The following EXOC2 variants were observed in gnomAD, a reference collection of about 807,000 sequenced individuals.
The protein encoded by EXOC2 is exocyst complex component 2.
EXOC2 carries 70 observed loss-of-function variants against 131.8 expected under a neutral mutation model. The observed-to-expected ratio is 0.53, with a 90% CI of 0.44 to 0.65. EXOC2 has a LOEUF of 0.65. Ranked by LOEUF, EXOC2 falls within the 30% of genes least tolerant of loss-of-function variation. The pLI is 0.00. For missense variants in EXOC2, 923 were observed against 1,108.6 expected, an observed-to-expected ratio of 0.83 and a Z score of 2.38; for synonymous variants, 411 against 398.4, an observed-to-expected ratio of 1.03 and a Z score of -0.38.
chr6:495,680 T>C (rs1446286081), intron 25 of EXOC2, among the ~76,000 whole-genome samples: 4 of 152,188 alleles, frequency 2.6e-5, no homozygotes, highest in African/African-American at 9.7e-5. Context: ...TTCCATCACA[T>C]TCTTGCCGAC....
At chr6:505,052 T>C (rs1367884261) in intron 23 of EXOC2, among the ~76,000 whole-genome samples, 2 of 152,204 alleles carry the variant, frequency 1.3e-5, no homozygotes, top group East Asian at 1.9e-4. Context: ...GTCTAGCTGC[T>C]GCAGATCCTG....
At chr6:550,249 T>G (rs889527876) in intron 21 of EXOC2, among the ~76,000 whole-genome samples, 2 of 152,250 alleles carry the variant, frequency 1.3e-5, no homozygotes, top group Non-Finnish European at 1.5e-5. Context: ...CCAGAATAAC[T>G]TACAGGAAAG....
chr6:522,287 T>C (rs1432087552), intron 23 of EXOC2, among the ~76,000 whole-genome samples: 2 of 147,966 alleles, frequency 1.4e-5, no homozygotes, highest in African/African-American at 2.5e-5. Flanking sequence ...CAGGACAGCG[T>C]GTGGGGGAGC....
intron 6 of EXOC2, among the ~76,000 whole-genome samples, chr6:612,330 T>C (rs897234585): frequency 6.6e-6 from 1 of 152,242 alleles, no homozygotes; most frequent in Non-Finnish European, 1.5e-5. Flanking sequence ...TTGGCTCACA[T>C]GCTGACCTCT....
chr6:555,436 T>C (rs568947179), intron 19 of EXOC2, 148 bp from the exon 20 acceptor site: 4 of 468,430 alleles, frequency 8.5e-6, no homozygotes, highest in Admixed American at 3.6e-5. Context: ...TATGTGTATA[T>C]ACTGTATATG....
chr6:666,434 C>T lies in EXOC2; in HGVS notation c.-44+26585G>A, dbSNP rs1763649095. 6.3e-5 allele frequency among the ~76,000 whole-genome samples: 2 copies of T among 31,606 alleles called. 1 individual carries two copies. The highest frequency in any genetic ancestry group is 1.3e-4 in the African/African-American group (2 of 14,966). The allele number at this position is 31,606 out of a possible 152,430, so 20.7% of individuals were successfully genotyped here. ...GAATTTCAAAAACTGGTCAGCATCCCTTCCAGAAAATTTCCAGAAAATTTA... is the reference window on the plus strand; with the variant it reads ...GAATTTCAAAAACTGGTCAGCATCCTTTCCAGAAAATTTCCAGAAAATTTA... On this transcript the variant is annotated intron_variant, in intron 1 of 27. Transcript: ENST00000230449.
chr6:486,785 T>C (rs1763084060), intron 27 of EXOC2, 21 bp from the exon 28 acceptor site: 1 of 1,601,690 alleles, frequency 6.2e-7, no homozygotes, highest in African/African-American at 1.3e-5. Context: ...GAGACACTTG[T>C]TTTACAGCCC....
In EXOC2 at chr6:494,591, C is replaced by T. The variant is rs73380941; in HGVS notation, c.2559+2776G>A. On this transcript the variant is annotated intron_variant, in intron 25 of 27. Coordinates refer to ENST00000230449, the MANE Select transcript of EXOC2 (RefSeq NM_018303.6). The stretch of plus-strand genomic sequence containing the variant: ...GCACCCTGTGACGATCCCTAAGGCC[C>T]CACCCTAGGAACCCCCACCACCCAC... 8.7e-3 allele frequency among the ~76,000 whole-genome samples: 1,327 copies of T among 152,218 alleles called. 24 individuals carry two copies. Among genetic ancestry groups the T allele is most frequent in the African/African-American group, 0.03 (1,245 of 41,534 alleles).
intron 1 of EXOC2, among the ~76,000 whole-genome samples, chr6:676,791 C>T (rs867195242): frequency 6.2e-4 from 43 of 68,902 alleles, no homozygotes; most frequent in Admixed American, 1.1e-3. Context: ...GGAGACTCTG[C>T]GGTTCCCCAT....
chr6:532,945 TAC>T (rs1234413243), intron 22 of EXOC2, among the ~76,000 whole-genome samples: 2 of 152,156 alleles, frequency 1.3e-5, no homozygotes, highest in African/African-American at 4.8e-5. Context: ...TCAGGAAACT[TAC>T]AGTCTTGGTG....
chr6:547,158 A>C lies in EXOC2; in HGVS notation c.2238+2017T>G, dbSNP rs1268542710. ...TATGTATAAAATCATTCTAGCTTCA[A>C]ATGTCACTGATCATTACATTTTAAT... is the stretch of plus-strand genomic sequence containing the variant. On this transcript the variant is annotated intron_variant, in intron 22 of 27. Transcript: ENST00000230449. 2.0e-5 allele frequency among the ~76,000 whole-genome samples: 3 copies of C among 152,226 alleles called. No individual in the cohort carries two copies. In the South Asian group the frequency reaches 6.2e-4, roughly 32 times the overall value.
intron 7 of EXOC2, among the ~76,000 whole-genome samples, chr6:603,556 A>AT (rs1200465571): frequency 6.6e-6 from 1 of 152,016 alleles, no homozygotes; most frequent in East Asian, 1.9e-4. Flanking sequence ...CAATGGGAGT[A>AT]TTTACACCTT....
rs150738226 is a variant in EXOC2 at position 564,580 on chromosome 6, G to A, written c.1632C>T (p.Ser544=). Reference sequence around the variant, plus strand: ...GGATGGCGTGAGCGAGCCACTGTCCGGAGAGCTCGCACTTCACCTCCCAGC... The same window carrying A: ...GGATGGCGTGAGCGAGCCACTGTCCAGAGAGCTCGCACTTCACCTCCCAGC... ...YGGWEVKCEL[S]GQWLAHAIQT... is the part of the protein sequence containing the mutation. Residue 544 remains serine (S), a synonymous_variant, in exon 15 of 28, where the codon TCC becomes TCT. Coordinates refer to ENST00000230449, the MANE Select transcript of EXOC2 (RefSeq NM_018303.6). 2.5e-5 allele frequency: 41 copies of A among 1,614,008 alleles called. No individual in the cohort carries two copies. Among genetic ancestry groups the A allele is most frequent in the Middle Eastern group, 3.3e-4 (2 of 6,072 alleles).
At position 494,203 on chromosome 6, in the gene EXOC2, C is replaced by T. The variant is rs192069419; in HGVS notation, c.2560-3017G>A. 1.3e-3 allele frequency among the ~76,000 whole-genome samples: 194 copies of T among 152,316 alleles called. 1 individual carries two copies. The highest frequency in any genetic ancestry group is 1.2e-3 in the Non-Finnish European group (79 of 68,022). On this transcript the variant is annotated intron_variant, in intron 25 of 27. Transcript: ENST00000230449. Reference sequence around the variant, plus strand: ...ACAGCAGAAGCTTTTGCAACAGATTCTCCCCTAACCAAATTAACAAGTGCT... The same window carrying T: ...ACAGCAGAAGCTTTTGCAACAGATTTTCCCCTAACCAAATTAACAAGTGCT...
intron 13 of EXOC2, among the ~76,000 whole-genome samples, chr6:567,053 CACT>C (rs1214959253): frequency 1.3e-5 from 2 of 152,222 alleles, no homozygotes; most frequent in East Asian, 1.9e-4. Flanking sequence ...TCCAAACCAC[CACT>C]GTTTCCTGCC....
In EXOC2 at chr6:562,822, CT is replaced by C; in HGVS notation, c.1812del (p.Glu605LysfsTer10). ...CCTTCATTGTCAACAATCCAGTCTT[CT>C]TTTTCAGCTAATCTCTTTATTTCTA... is the stretch of plus-strand genomic sequence containing the variant. ...TAEEIKRLAE[K>X]EDWIVDNEGL... On this transcript the variant is annotated frameshift_variant, in exon 17 of 28. Transcript: ENST00000230449. LOFTEE classifies it high-confidence loss of function. 6.3e-7 allele frequency: 1 copy of C among 1,598,778 alleles called. No homozygotes were observed. Among genetic ancestry groups the C allele is most frequent in the South Asian group, 1.2e-5 (1 of 86,020 alleles).
chr6:571,910 C>T (rs1456569061), intron 13 of EXOC2, among the ~76,000 whole-genome samples: 1 of 152,196 alleles, frequency 6.6e-6, no homozygotes, highest in Admixed American at 6.5e-5. Flanking sequence ...CTTCCATGTG[C>T]CACACATAAC....
chr6:542,733 T>C (rs539327268), intron 22 of EXOC2, among the ~76,000 whole-genome samples: 24 of 152,246 alleles, frequency 1.6e-4, no homozygotes, highest in Non-Finnish European at 2.6e-4. Flanking sequence ...TAAGCTGGCA[T>C]TGAATGTGTA....
intron 1 of EXOC2, among the ~76,000 whole-genome samples, chr6:692,591 C>T (rs1162007041): frequency 6.6e-6 from 1 of 152,266 alleles, no homozygotes; most frequent in Non-Finnish European, 1.5e-5. Context: ...ACAGCCAGAG[C>T]GGGATGCACG....
Sources: gnomAD v4.1 joint callset for allele counts (sites outside exome capture counted in the v4.1 genomes callset) on GRCh38, gnomAD v4.1.1 for gene constraint, MANE v1.5 for transcripts, NCBI Gene and HGNC (gene_info 2026-07-23, HGNC 2026-07-21) for gene names.